Variants in COL4A3 observed in about 807,000 individuals in gnomAD.
COL4A3 encodes the protein collagen alpha-3(IV) chain.
Under a neutral mutation model 217.4 loss-of-function variants are expected in COL4A3, and 135 were observed. The observed-to-expected ratio is 0.62, with a 90% CI of 0.54 to 0.72. The LOEUF (loss-of-function observed/expected upper bound fraction) is 0.72. Ranked by LOEUF, COL4A3 falls within the 30% of genes least tolerant of loss-of-function variation. The probability of loss-of-function intolerance (pLI) is 0.00; values close to 1 mark genes in which losing one functional copy is unlikely to be tolerated. For synonymous variants in COL4A3, 690 were observed against 736.3 expected, an observed-to-expected ratio of 0.94 and a Z score of 1.02; for missense variants, 1,868 against 2,119.9, an observed-to-expected ratio of 0.88 and a Z score of 2.33.
intron 34 of COL4A3, among the ~76,000 whole-genome samples, chr2:227,285,887 A>C (rs2072290892): frequency 6.6e-6 from 1 of 152,228 alleles, no homozygotes; most frequent in Admixed American, 6.5e-5. Context: ...AACAACAAAA[A>C]AATAACCTGT....
intron 1 of COL4A3, among the ~76,000 whole-genome samples, chr2:227,185,120 T>C (rs1424678560): frequency 6.6e-6 from 1 of 152,120 alleles, no homozygotes; most frequent in Non-Finnish European, 1.5e-5. Context: ...CAGGATGGTC[T>C]CAATCTTCTG....
At position 227,245,055 on chromosome 2, in the gene COL4A3, A is replaced by G; in HGVS notation, c.324+60A>G. ...TAAAAGTAAGCTCATTTTAATAAAG[A>G]TGTTAAAACAGTCGTGCAAGAAAAT... On this transcript the variant is annotated intron_variant, in intron 5 of 51. Coordinates refer to ENST00000396578, the MANE Select transcript of COL4A3 (RefSeq NM_000091.5). 3 of 1,506,642 alleles carry G rather than the reference A, an allele frequency of 2.0e-6. No individual in the cohort carries two copies. The East Asian group carries it at 6.8e-5, about 34-fold the overall frequency. The allele number at this position is 1,506,642 out of a possible 1,614,324, so 93.3% of individuals were successfully genotyped here. A position where few individuals can be genotyped will look rare whatever the true frequency, so the allele number is the denominator to read the frequency against.
In COL4A3 at chr2:227,282,368, G is replaced by C; in HGVS notation, c.2492G>C (p.Arg831Thr). ...GLNGLKGQQG[R>T]RGKTGPKGDP... ...TCATTCATTTATTCGTACACAGGCA[G>C]AAGAGGTAAAACGGGGCCAAAGGGA... The change falls in exon 32 of 52, where the codon AGA becomes ACA. Residue 831 changes from arginine (R) to threonine (T), a missense_variant. By Grantham distance (71) the Arg-to-Thr change is moderately conservative. This residue lies in a region of COL4A3 where 1,503 missense variants were observed against 1,786.1 expected (regional missense o/e 0.84). Transcript: ENST00000396578. This position sits in a 1 kb window ranked among gnomAD's most constrained non-coding sequence, Gnocchi z 4.4. 1 of 1,611,880 alleles carries C rather than the reference G, an allele frequency of 6.2e-7. No homozygotes were observed. Among genetic ancestry groups the C allele is most frequent in the Non-Finnish European group, 8.5e-7 (1 of 1,179,306 alleles).
At chr2:227,279,950 T>G in intron 29 of COL4A3, 60 bp downstream of exon 29, 1 of 1,072,526 alleles carries the variant, frequency 9.3e-7, no homozygotes. Context: ...CTGGCCAGTT[T>G]GTATGCACTT....
chr2:227,182,825 C>A (rs1406231630), intron 1 of COL4A3, among the ~76,000 whole-genome samples: 3 of 152,168 alleles, frequency 2.0e-5, no homozygotes, highest in Non-Finnish European at 4.4e-5. Flanking sequence ...AGCTATCACA[C>A]ATATATCCAA....
chr2:227,173,608 T>C (rs2065570232), intron 1 of COL4A3, among the ~76,000 whole-genome samples: 1 of 152,200 alleles, frequency 6.6e-6, no homozygotes, highest in South Asian at 2.1e-4. Context: ...TTCCATGCTA[T>C]ACAATAGAAA....
chr2:227,265,002 G>A (rs1021442074), intron 21 of COL4A3: 2 of 152,102 alleles, frequency 1.3e-5, no homozygotes, highest in Non-Finnish European at 2.9e-5. Context: ...AACCTCCAAG[G>A]TTATCCCAAC....
chr2:227,232,094 C>T (rs906471952), intron 1 of COL4A3, among the ~76,000 whole-genome samples: 4 of 152,206 alleles, frequency 2.6e-5, no homozygotes, highest in Non-Finnish European at 4.4e-5. Flanking sequence ...TTTCATTTAA[C>T]ATAGTGATCT....
rs757729377 is a variant in COL4A3 at position 227,293,330 on chromosome 2, T to G, written c.3337+13T>G. On this transcript the variant is annotated intron_variant, in intron 38 of 51. Transcript: ENST00000396578. ...CCTGGCCTCCCAGGTAAGGCTTGAG[T>G]TTACAATTCTAAAAGCTGGAAGCAT... is the stretch of plus-strand genomic sequence containing the variant. 6.2e-7 allele frequency: 1 copy of G among 1,613,564 alleles called. No individual in the cohort carries two copies. The highest frequency in any genetic ancestry group is 8.5e-7 in the Non-Finnish European group (1 of 1,179,912).
chr2:227,248,716 G>C lies in COL4A3; in HGVS notation c.546+196G>C, dbSNP rs2069513834. 2.6e-5 allele frequency among the ~76,000 whole-genome samples: 4 copies of C among 151,996 alleles called. No homozygotes were observed. In the South Asian group the frequency reaches 8.3e-4, roughly 32 times the overall value. On this transcript the variant is annotated intron_variant, in intron 9 of 51. Transcript: ENST00000396578. ...ATTCTAAAGCTTTCACCCTATTCTG[G>C]AAAACTACATGATGCTGATATGCAA...
At chr2:227,246,808 C>G in intron 7 of COL4A3, 70 bp downstream of exon 7, 1 of 1,280,502 alleles carries the variant, frequency 7.8e-7, no homozygotes, top group South Asian at 1.2e-5. Flanking sequence ...TCCATATGGC[C>G]ATATACACAA....
chr2:227,297,199 A>G (rs4073904), intron 41 of COL4A3, among the ~76,000 whole-genome samples: 18,452 of 152,246 alleles, frequency 0.12, 1,194 homozygotes, highest in Non-Finnish European at 0.15. Flanking sequence ...TCAAATGCAC[A>G]CATCAGTGCT....
At chr2:227,298,356 A>T (rs2073126879) in intron 42 of COL4A3, among the ~76,000 whole-genome samples, 1 of 152,152 alleles carries the variant, frequency 6.6e-6, no homozygotes, top group South Asian at 2.1e-4. Flanking sequence ...TATCAAAAAA[A>T]AATAATTAGC....
intron 1 of COL4A3, among the ~76,000 whole-genome samples, chr2:227,184,551 T>C (rs2065955853): frequency 6.6e-6 from 1 of 152,252 alleles, no homozygotes; most frequent in African/African-American, 2.4e-5. Context: ...TCAATATTTT[T>C]GCTATGCTAC....
At chr2:227,246,591 C>T in intron 6 of COL4A3, 94 bp from the exon 7 acceptor site, 1 of 985,902 alleles carries the variant, frequency 1.0e-6, no homozygotes, top group Non-Finnish European at 1.6e-6. Context: ...TCTAGATTTA[C>T]CATTGCAAGG....
At chr2:227,233,989 T>C (rs549114075) in intron 1 of COL4A3, among the ~76,000 whole-genome samples, 1 of 152,344 alleles carries the variant, frequency 6.6e-6, no homozygotes, top group East Asian at 1.9e-4. Context: ...GAGGACCTTG[T>C]ATAAGGCTGA....
At position 227,247,594 on chromosome 2, in the gene COL4A3, T is replaced by G. The variant is rs760951747; in HGVS notation, c.468+10T>G. 5 of 1,613,982 alleles carry G rather than the reference T, an allele frequency of 3.1e-6. No homozygotes were observed. The highest frequency in any genetic ancestry group is 1.7e-5 in the Admixed American group (1 of 60,020). On this transcript the variant is annotated intron_variant, in intron 8 of 51. Coordinates refer to ENST00000396578, the MANE Select transcript of COL4A3 (RefSeq NM_000091.5). ...TTTGAAAGGACAAAAGGTAAGTCAT[T>G]GGTGGAATGCTGTCACTGAAAATCT... is the stretch of plus-strand genomic sequence containing the variant.
chr2:227,173,987 T>C (rs2065585142), intron 1 of COL4A3, among the ~76,000 whole-genome samples: 1 of 152,232 alleles, frequency 6.6e-6, no homozygotes, highest in Non-Finnish European at 1.5e-5. Flanking sequence ...CATGTCATTC[T>C]GTGGAGAGAA....
chr2:227,253,760 C>G lies in COL4A3; in HGVS notation c.765+122C>G. On this transcript the variant is annotated intron_variant, in intron 13 of 51. Coordinates refer to ENST00000396578, the MANE Select transcript of COL4A3 (RefSeq NM_000091.5). This position sits in a 1 kb window ranked among gnomAD's most constrained non-coding sequence, Gnocchi z 4.4. ...GTCCAGCTCAGCCCAGCTCCCTCAGCCAGCCAGAACCTCCAGGATTGATTC... is the reference window on the plus strand; with the variant it reads ...GTCCAGCTCAGCCCAGCTCCCTCAGGCAGCCAGAACCTCCAGGATTGATTC... The G allele has an allele frequency of 1.2e-6, 1 of 853,230 alleles. No individual in the cohort carries two copies. Among genetic ancestry groups the G allele is most frequent in the South Asian group, 1.3e-5 (1 of 74,802 alleles). The allele number at this position is 853,230 out of a possible 1,614,324, so 52.9% of individuals were successfully genotyped here. A position where few individuals can be genotyped will look rare whatever the true frequency, so the allele number is the denominator to read the frequency against.
Sources: allele counts gnomAD v4.1 joint callset (sites outside exome capture counted in the v4.1 genomes callset), GRCh38; gene constraint gnomAD v4.1.1; regional missense constraint gnomAD v4.1.1; non-coding constraint Gnocchi (gnomAD v3.1); transcripts MANE v1.5; gene names NCBI Gene and HGNC (gene_info 2026-07-23, HGNC 2026-07-21).